NDUFA7: variants seen among roughly 807,000 people sequenced by gnomAD.
NDUFA7 encodes NADH:ubiquinone oxidoreductase subunit A7.
NDUFA7 carries 18 observed loss-of-function variants against 14.2 expected under a neutral mutation model. The ratio of observed to expected loss-of-function variants is 1.27; its 90% CI spans 0.88 to 1.88. NDUFA7 has a LOEUF of 1.88. Ranked by LOEUF, NDUFA7 falls within the 40% of genes most tolerant of loss-of-function variation. The pLI is 0.00. For synonymous variants in NDUFA7, 75 were observed against 62.1 expected (o/e 1.21, Z -0.98); for missense variants, 172 against 147.3 (o/e 1.17, Z -0.87).
At chr19:8,314,115 A>G (rs891476104) in intron 3 of NDUFA7, among the ~76,000 whole-genome samples, 3 of 152,132 alleles carry the variant, frequency 2.0e-5, no homozygotes, top group Admixed American at 1.3e-4. Context: ...TGAGGTCAGG[A>G]GTTCAAGACC....
chr19:8,310,638 C>T (rs1455809509), downstream of NDUFA7: 3 of 152,198 alleles, frequency 2.0e-5, no homozygotes, highest in Admixed American at 6.6e-5. Flanking sequence ...TCTCCAGGGC[C>T]TCTGCACCCA....
intron 2 of NDUFA7, 39 bp from the exon 3 acceptor site, chr19:8,316,684 G>T (rs1161571143): frequency 2.5e-6 from 4 of 1,608,264 alleles, no homozygotes; most frequent in Non-Finnish European, 3.4e-6. Context: ...CAAAGAGACA[G>T]TCACTGTCAT....
intron 2 of NDUFA7, 137 bp from the exon 3 acceptor site, chr19:8,316,782 C>A: frequency 9.9e-7 from 1 of 1,012,322 alleles, no homozygotes. Flanking sequence ...GGGGGTGTCC[C>A]TTGGTACACT....
intron 2 of NDUFA7, among the ~76,000 whole-genome samples, chr19:8,317,958 C>G (rs1234823432): frequency 1.3e-5 from 2 of 152,102 alleles, no homozygotes; most frequent in African/African-American, 4.8e-5. Context: ...CAGGCGTGAG[C>G]CACCACTCCT....
intron 1 of NDUFA7, 121 bp downstream of exon 1, chr19:8,321,186 TC>T (rs1325084090): frequency 5.6e-6 from 7 of 1,253,482 alleles, no homozygotes; most frequent in Non-Finnish European, 7.6e-6. Context: ...AGCTGGGGGT[TC>T]CCAGGGAGAT....
rs567865675 is a variant in NDUFA7 at position 8,316,609 on chromosome 19, G to A, written c.138C>T (p.Ser46=). The stretch of plus-strand genomic sequence containing the variant: ...AATAGTAATTGTTGGAGAGCTTGTG[G>A]CTAGGACCCACAGGGAGCTTGGGAG... ...QPPPKLPVGP[S]HKLSNNYYCT... Residue 46 remains serine, a synonymous_variant, in exon 3 of 4, where the codon AGC becomes AGT. Transcript: ENST00000301457. The A allele has an allele frequency of 1.2e-6, 2 of 1,614,154 alleles. No homozygotes were observed. The highest frequency in any genetic ancestry group is 1.3e-5 in the African/African-American group (1 of 75,034).
At chr19:8,315,256 C>G (rs1463296921) in intron 3 of NDUFA7, among the ~76,000 whole-genome samples, 1 of 152,094 alleles carries the variant, frequency 6.6e-6, no homozygotes, top group African/African-American at 2.4e-5. Context: ...CGTCCCCCAG[C>G]CCGACACCGG....
chr19:8,311,506 C>T lies in NDUFA7; in HGVS notation c.341G>A (p.Ter114=). 6.2e-7 allele frequency: 1 copy of T among 1,604,020 alleles called. No individual in the cohort carries two copies. The part of the protein sequence containing the change: ...WELSSDQPYL[*] The stretch of plus-strand genomic sequence containing the variant: ...TCGGGTGGCCGTGAGGGTGCAGTGT[C>T]ACAGGTAAGGCTGGTCCGAGGACAG... The change falls in exon 4 of 4, where the codon TGA becomes TAA. Residue 114 remains the stop codon, a stop_retained_variant. Transcript: ENST00000301457.
chr19:8,319,807 C>T (rs1469582814), intron 2 of NDUFA7, among the ~76,000 whole-genome samples: 1 of 152,108 alleles, frequency 6.6e-6, no homozygotes, highest in Non-Finnish European at 1.5e-5. Flanking sequence ...TCCAGCCTGA[C>T]ACTCTTAGCC....
At chr19:8,318,663 CAAAAAAAAAA>C (rs35904087) in intron 2 of NDUFA7, among the ~76,000 whole-genome samples, 1 of 41,070 alleles carries the variant, frequency 2.4e-5, no homozygotes, top group Admixed American at 4.1e-4. Context: ...CCCAGTCTTA[CAAAAAAAAAA>C]AAAAAAAAAA....
Position 8,320,837 on chromosome 19 carries a change from A to G in NDUFA7, c.101+20T>C. ...GAAAGGACAGAGCCAGAGGCTGGGC[A>G]GCGAGCGGGGCCTGCTCACCGCTTG... On this transcript the variant is annotated intron_variant, in intron 2 of 3. Transcript: ENST00000301457. 6.2e-7 allele frequency: 1 copy of G among 1,613,670 alleles called. No individual in the cohort carries two copies. The highest frequency in any genetic ancestry group is 2.2e-5 in the East Asian group (1 of 44,882).
rs528183591 is a variant in NDUFA7, at chr19:8,311,740, C to T, written c.252-145G>A. On this transcript the variant is annotated intron_variant, in intron 3 of 3. Transcript: ENST00000301457. ...ACAGCAGGGTGTTCCAGAATGCCAA[C>T]CCCTCCAACGCAGCCCCTCAGAGGA... The T allele has an allele frequency of 4.4e-5, 27 of 614,000 alleles. No individual in the cohort carries two copies. In the South Asian group the frequency reaches 5.1e-4, roughly 12 times the overall value. The allele number at this position is 614,000 out of a possible 1,614,324, so 38.0% of individuals were successfully genotyped here. A position where few individuals can be genotyped will look rare whatever the true frequency, so the allele number is the denominator to read the frequency against.
Position 8,321,305 on chromosome 19 carries a change from C to A in NDUFA7, c.51+3G>T, listed in dbSNP as rs1205228067. 2.5e-6 allele frequency: 4 copies of A among 1,569,756 alleles called. No individual in the cohort carries two copies. Among genetic ancestry groups the A allele is most frequent in the African/African-American group, 1.3e-5 (1 of 74,222 alleles). On this transcript the variant is annotated splice_donor_region_variant and intron_variant, in intron 1 of 3. Coordinates refer to ENST00000301457, the MANE Select transcript of NDUFA7 (RefSeq NM_005001.5). ...ATGGTGCAGCCCTGTCCGCCCCGCG[C>A]ACCCCGGACGCCCAGTTCCGCAGCC...
intron 1 of NDUFA7, 149 bp downstream of exon 1, chr19:8,321,159 G>C (rs568213521): frequency 3.9e-5 from 42 of 1,073,290 alleles, no homozygotes; most frequent in Non-Finnish European, 5.1e-5. Context: ...AGAGGGTCCC[G>C]GGCTGAAGGG....
chr19:8,315,265 G>C (rs8110376), intron 3 of NDUFA7, among the ~76,000 whole-genome samples: 23,133 of 152,080 alleles, frequency 0.15, 3,885 homozygotes, highest in African/African-American at 0.42. Flanking sequence ...GCCCGACACC[G>C]GTAAAGGGTC....
chr19:8,309,328 GC>G (rs1367165396), downstream of NDUFA7, among the ~76,000 whole-genome samples: 1 of 152,092 alleles, frequency 6.6e-6, no homozygotes, highest in Non-Finnish European at 1.5e-5. Flanking sequence ...ACAAAAATTA[GC>G]CGGGTGTGGT....
downstream of NDUFA7, chr19:8,310,884 G>A (rs1329624565): frequency 1.3e-5 from 2 of 152,094 alleles, no homozygotes; most frequent in East Asian, 1.9e-4. Context: ...GGGTATGGTG[G>A]TGCACACCCG....
chr19:8,313,677 G>A (rs1970203882), intron 3 of NDUFA7, among the ~76,000 whole-genome samples: 1 of 152,240 alleles, frequency 6.6e-6, no homozygotes, highest in South Asian at 2.1e-4. Flanking sequence ...TGAGTTGGCT[G>A]TAGAGCCCAG....
At chr19:8,320,632 T>C (rs1425880853) in intron 2 of NDUFA7, among the ~76,000 whole-genome samples, 1 of 152,092 alleles carries the variant, frequency 6.6e-6, no homozygotes, top group African/African-American at 2.4e-5. Flanking sequence ...GCACTGCAAA[T>C]CTAGCCTGAT....
Sources: allele counts gnomAD v4.1 joint callset (sites outside exome capture counted in the v4.1 genomes callset), GRCh38; gene constraint gnomAD v4.1.1; transcripts MANE v1.5; gene names NCBI Gene and HGNC (gene_info 2026-07-23, HGNC 2026-07-21).